Variants in ADAM2 observed in about 807,000 individuals in gnomAD.
ADAM2 encodes the protein disintegrin and metalloproteinase domain-containing protein 2.
ADAM2 carries 101 observed loss-of-function variants against 99.3 expected under a neutral mutation model. The ratio of observed to expected loss-of-function variants is 1.02; its 90% confidence interval spans 0.87 to 1.20. The LOEUF (loss-of-function observed/expected upper bound fraction) is 1.20, where lower values mean the gene tolerates loss of function less well. Ranked by LOEUF, ADAM2 falls within the 50% of genes most tolerant of loss-of-function variation. The pLI is 0.00. For missense variants in ADAM2, 948 were observed against 878.7 expected (o/e 1.08, Z -1.00); for synonymous variants, 323 against 287.6 (o/e 1.12, Z -1.25).
At chr8:39,835,634 G>C (rs1209163489) in intron 2 of ADAM2, among the ~76,000 whole-genome samples, 1 of 151,134 alleles carries the variant, frequency 6.6e-6, no homozygotes, top group Non-Finnish European at 1.5e-5. Flanking sequence ...AGTGAGCCGA[G>C]GTTGCGCCAC....
intron 7 of ADAM2, among the ~76,000 whole-genome samples, chr8:39,792,464 G>T (rs1382938189): frequency 2.6e-5 from 4 of 152,012 alleles, no homozygotes; most frequent in Non-Finnish European, 4.4e-5. Context: ...CTGTAAGACT[G>T]ATGAAACCCC....
intron 19 of ADAM2, among the ~76,000 whole-genome samples, chr8:39,746,102 T>C (rs902769284): frequency 2.0e-5 from 3 of 152,182 alleles, no homozygotes; most frequent in Non-Finnish European, 2.9e-5. Flanking sequence ...CTCGGCTCAC[T>C]GCAGCCTCTG....
rs192120826 is a variant in ADAM2, at chr8:39,812,648, C to A, written c.514-3182G>T. 5.9e-3 allele frequency among the ~76,000 whole-genome samples: 905 copies of A among 152,300 alleles called. 6 individuals are homozygous for A. The highest frequency in any genetic ancestry group is 0.034 in the Middle Eastern group (10 of 294). On this transcript the variant is annotated intron_variant, in intron 6 of 20. Coordinates refer to ENST00000265708, the MANE Select transcript of ADAM2 (RefSeq NM_001464.5). Reference sequence around the variant, plus strand: ...ACATCTACAACCATCTGATCTTTGACAAACCTGACAAAAACAAGAAATGGT... The same window carrying A: ...ACATCTACAACCATCTGATCTTTGAAAAACCTGACAAAAACAAGAAATGGT...
At chr8:39,792,130 A>G (rs994231958) in intron 7 of ADAM2, among the ~76,000 whole-genome samples, 3 of 151,810 alleles carry the variant, frequency 2.0e-5, no homozygotes, top group African/African-American at 7.3e-5. Flanking sequence ...ACAATACAAG[A>G]ATGGGATCTT....
chr8:39,826,595 C>T (rs1314122389), intron 3 of ADAM2, among the ~76,000 whole-genome samples: 2 of 151,566 alleles, frequency 1.3e-5, no homozygotes, highest in East Asian at 1.9e-4. Context: ...TGGTGGTGGG[C>T]GCCTGTAGTC....
chr8:39,748,693 G>T (rs1823577081), intron 18 of ADAM2, among the ~76,000 whole-genome samples: 1 of 152,100 alleles, frequency 6.6e-6, no homozygotes, highest in South Asian at 2.1e-4. Context: ...CAAGTTCCTT[G>T]ACCTGCTGTC....
At chr8:39,798,332 G>T (rs929608761) in intron 7 of ADAM2, among the ~76,000 whole-genome samples, 1 of 152,124 alleles carries the variant, frequency 6.6e-6, no homozygotes, top group African/African-American at 2.4e-5. Context: ...TTTATGTGAT[G>T]GATTACATTT....
chr8:39,799,176 G>T (rs150417587), intron 7 of ADAM2, among the ~76,000 whole-genome samples: 4 of 152,076 alleles, frequency 2.6e-5, no homozygotes, highest in Non-Finnish European at 5.9e-5. Context: ...TGGGCATTTC[G>T]TGCTATAAAT....
In ADAM2 at chr8:39,787,069, A is replaced by C. The variant is rs1803495097; in HGVS notation, c.810-14T>G. On this transcript the variant is annotated splice_polypyrimidine_tract_variant and intron_variant, in intron 9 of 20. Transcript: ENST00000265708. The stretch of plus-strand genomic sequence containing the variant: ...TTTTCTCTGTAACTTAAGTTTAAAA[A>C]GGGATCATAATCATATAATTTTGTA... 1 of 1,519,750 alleles carries C rather than the reference A, an allele frequency of 6.6e-7. No homozygotes were observed. The highest frequency in any genetic ancestry group is 9.0e-7 in the Non-Finnish European group (1 of 1,107,160). 94.1% of individuals were successfully genotyped at this position (1,519,750 alleles called of 1,614,324 possible).
intron 10 of ADAM2, among the ~76,000 whole-genome samples, chr8:39,780,163 G>T (rs915458116): frequency 6.6e-6 from 1 of 152,110 alleles, no homozygotes; most frequent in Non-Finnish European, 1.5e-5. Flanking sequence ...GAGAACGCGT[G>T]CAGGGGATCT....
intron 6 of ADAM2, among the ~76,000 whole-genome samples, chr8:39,811,979 A>G (rs1313398388): frequency 3.3e-5 from 5 of 152,214 alleles, no homozygotes; most frequent in Non-Finnish European, 7.3e-5. Flanking sequence ...GAAGAGGGGA[A>G]GTTAAATTGT....
In ADAM2 at chr8:39,744,851, T is replaced by A. The variant is rs1363409530; in HGVS notation, c.*9A>T. The A allele has an allele frequency of 6.3e-7, 1 of 1,597,908 alleles. No individual in the cohort carries two copies. The highest frequency in any genetic ancestry group is 8.5e-7 in the Non-Finnish European group (1 of 1,173,268). ...TCACAGTGATATCATGGCATCTCTGTTGTCCAGACTACCCTTTAGGTTCAC... is the reference window on the plus strand; with the variant it reads ...TCACAGTGATATCATGGCATCTCTGATGTCCAGACTACCCTTTAGGTTCAC... On this transcript the variant is annotated 3_prime_UTR_variant, in exon 20 of 21. Transcript: ENST00000265708.
chr8:39,832,135 G>A (rs1805643276), intron 3 of ADAM2, among the ~76,000 whole-genome samples: 2 of 152,058 alleles, frequency 1.3e-5, no homozygotes, highest in African/African-American at 4.8e-5. Context: ...GGTTTCTCAA[G>A]GACACCTTGT....
At position 39,787,652 on chromosome 8, in the gene ADAM2, A is replaced by C. The variant is rs1324654237; in HGVS notation, c.809+433T>G. Among the ~76,000 whole-genome samples the C allele has an allele frequency of 3.3e-5, 5 of 151,602 alleles. No homozygotes were observed. In the East Asian group the frequency reaches 7.7e-4, roughly 23 times the overall value. The stretch of plus-strand genomic sequence containing the variant: ...AAATAGAAAGGAAGGCTAATGTACT[A>C]AAACCTTAAGCACAATGCAGATATA... On this transcript the variant is annotated intron_variant, in intron 9 of 20. Coordinates refer to ENST00000265708, the MANE Select transcript of ADAM2 (RefSeq NM_001464.5).
Position 39,821,017 on chromosome 8 carries a change from T to A in ADAM2, c.498A>T (p.Lys166Asn). ...KDIESRDLSFKLQSVEPQQDF... is the reference protein window; with the variant it reads ...KDIESRDLSFNLQSVEPQQDF... ...AATCACCTACCTCTACGCTTTGTAA[T>A]TTAAAGGACAGATCTCTTGATTCAA... is the stretch of plus-strand genomic sequence containing the variant. Residue 166 changes from lysine to asparagine, a missense_variant, in exon 6 of 21, where the codon AAA becomes AAT. By Grantham distance (94) the Lys-to-Asn change is moderately conservative. Coordinates refer to ENST00000265708, the MANE Select transcript of ADAM2 (RefSeq NM_001464.5). 1.3e-6 allele frequency: 2 copies of A among 1,595,726 alleles called. No homozygotes were observed. Among genetic ancestry groups the A allele is most frequent in the Non-Finnish European group, 1.7e-6 (2 of 1,169,520 alleles).
intron 11 of ADAM2, among the ~76,000 whole-genome samples, chr8:39,772,153 T>C (rs918068906): frequency 6.6e-6 from 1 of 151,720 alleles, no homozygotes; most frequent in Non-Finnish European, 1.5e-5. Flanking sequence ...CAAGCATAAT[T>C]GCATCCGATT....
rs1803950907 is a variant in ADAM2 at position 39,796,433 on chromosome 8, G to T, written c.571-7693C>A. 2.6e-5 allele frequency among the ~76,000 whole-genome samples: 4 copies of T among 152,088 alleles called. No individual in the cohort carries two copies. In the South Asian group the frequency reaches 8.3e-4, roughly 31 times the overall value. On this transcript the variant is annotated intron_variant, in intron 7 of 20. Transcript: ENST00000265708. ...ATATGTACCACGTTTTCTTTATCCAGTCTATTATTGATGGGCATTTGACTT... is the reference window on the plus strand; with the variant it reads ...ATATGTACCACGTTTTCTTTATCCATTCTATTATTGATGGGCATTTGACTT...
chr8:39,781,255 G>A (rs1264193483), intron 10 of ADAM2, among the ~76,000 whole-genome samples: 1 of 151,926 alleles, frequency 6.6e-6, no homozygotes, highest in South Asian at 2.1e-4. Context: ...CACATGTATT[G>A]GGGAAGTGCA....
intron 7 of ADAM2, among the ~76,000 whole-genome samples, chr8:39,797,591 A>G (rs982626863): frequency 6.6e-6 from 1 of 152,156 alleles, no homozygotes; most frequent in African/African-American, 2.4e-5. Flanking sequence ...GAAGAATGTC[A>G]ATGGTAGTTT....
Sources: gnomAD v4.1 joint callset for allele counts (sites outside exome capture counted in the v4.1 genomes callset) on GRCh38, gnomAD v4.1.1 for gene constraint, MANE v1.5 for transcripts, NCBI Gene and HGNC (gene_info 2026-07-23, HGNC 2026-07-21) for gene names.